AMPH: variants seen among roughly 807,000 people sequenced by gnomAD.
AMPH encodes amphiphysin.
In AMPH, 49 loss-of-function variants were observed where a neutral mutation model predicts 99.1. That is an observed-to-expected ratio of 0.49 (90% CI 0.39 to 0.63). The LOEUF is 0.63. AMPH is among the 20% of genes least tolerant of loss of function. AMPH has a pLI of 0.00. For synonymous variants in AMPH, 314 were observed against 317.3 expected (o/e 0.99, Z 0.11); for missense variants, 759 against 863.4 (o/e 0.88, Z 1.52).
In AMPH at chr7:38,417,891, G is replaced by A. The variant is rs200519832; in HGVS notation, c.1332C>T (p.Val444=). Residue 444 remains valine (V), a synonymous_variant, in exon 17 of 21, where the codon GTC becomes GTT. Coordinates refer to ENST00000356264, the MANE Select transcript of AMPH (RefSeq NM_001635.4). The part of the protein sequence containing the change: ...EPKAEEPLAA[V]TPAVGLDLGM... Reference sequence around the variant, plus strand: ...CAAGGTCCAGACCAACGGCAGGTGTGACAGCAGCCAGAGGCTCCTCTGCTT... The same window carrying A: ...CAAGGTCCAGACCAACGGCAGGTGTAACAGCAGCCAGAGGCTCCTCTGCTT... The A allele has an allele frequency of 4.3e-6, 7 of 1,614,168 alleles. No homozygotes were observed. The South Asian group carries it at 7.7e-5, about 18-fold the overall frequency.
intron 1 of AMPH, among the ~76,000 whole-genome samples, chr7:38,620,577 AC>A (rs1794025181): frequency 6.6e-6 from 1 of 151,444 alleles, no homozygotes; most frequent in Non-Finnish European, 1.5e-5. Context: ...ACACACACAC[AC>A]ACACACACAC....
At chr7:38,543,735 C>G (rs1790895320) in intron 1 of AMPH, among the ~76,000 whole-genome samples, 1 of 152,074 alleles carries the variant, frequency 6.6e-6, no homozygotes, top group Non-Finnish European at 1.5e-5. Flanking sequence ...TTCAGCTACC[C>G]TTCTGATTTA....
Position 38,487,158 on chromosome 7 carries a change from G to A in AMPH, c.396+3892C>T, listed in dbSNP as rs562984164. Among the ~76,000 whole-genome samples, 12 of 152,090 alleles carry A rather than the reference G, an allele frequency of 7.9e-5. 1 individual carries two copies. Among genetic ancestry groups the A allele is most frequent in the African/African-American group, 2.6e-4 (11 of 41,530 alleles). ...CTATGAGGTTCTACATGGAAAACCC[G>A]AAAGGCTCTACAAAAAAACTGCCAG... is the stretch of plus-strand genomic sequence containing the variant. On this transcript the variant is annotated intron_variant, in intron 5 of 20. Transcript: ENST00000356264.
intron 1 of AMPH, among the ~76,000 whole-genome samples, chr7:38,571,166 T>C (rs1205772530): frequency 2.1e-5 from 2 of 95,488 alleles, no homozygotes; most frequent in African/African-American, 8.7e-5. Context: ...TATATATTTT[T>C]ATATATTTTT....
At chr7:38,406,987 T>G (rs905738105) in intron 17 of AMPH, among the ~76,000 whole-genome samples, 12 of 137,194 alleles carry the variant, frequency 8.7e-5, no homozygotes, top group Non-Finnish European at 1.4e-4. Flanking sequence ...GACTTTGCCT[T>G]GTAATTGCAT....
chr7:38,389,827 G>A lies in AMPH; in HGVS notation c.1957C>T (p.Pro653Ser). 1.2e-6 allele frequency: 2 copies of A among 1,613,678 alleles called. No individual in the cohort carries two copies. The highest frequency in any genetic ancestry group is 1.7e-6 in the Non-Finnish European group (2 of 1,179,874). The change falls in exon 20 of 21, where the codon CCC becomes TCC. Residue 653 changes from proline to serine, a missense_variant. By Grantham distance (74) the Pro-to-Ser change is moderately conservative. Coordinates refer to ENST00000356264, the MANE Select transcript of AMPH (RefSeq NM_001635.4). ...ACCTGATCAGCTTCTGAATCTGAGG[G>A]GACCACCAGCACCACATCACCCCTT... ...LQRGDVVLVV[P>S]SDSEADQDAG...
At chr7:38,395,692 C>A (rs1394352676) in intron 17 of AMPH, among the ~76,000 whole-genome samples, 1 of 152,114 alleles carries the variant, frequency 6.6e-6, no homozygotes, top group African/African-American at 2.4e-5. Context: ...ACTATTTTTT[C>A]TTTGTTGAAT....
intron 17 of AMPH, among the ~76,000 whole-genome samples, chr7:38,396,417 G>A (rs2128977186): frequency 6.6e-6 from 1 of 152,282 alleles, no homozygotes; most frequent in East Asian, 1.9e-4. Context: ...ATGATTGTGA[G>A]GCCTCCCCAG....
intron 1 of AMPH, among the ~76,000 whole-genome samples, chr7:38,574,026 T>G (rs569665391): frequency 6.6e-6 from 1 of 152,322 alleles, no homozygotes; most frequent in South Asian, 2.1e-4. Flanking sequence ...TAGATTTCAG[T>G]GCTCAAACAC....
chr7:38,391,296 C>T (rs1216431655), intron 19 of AMPH, among the ~76,000 whole-genome samples: 2 of 152,188 alleles, frequency 1.3e-5, no homozygotes, highest in East Asian at 1.9e-4. Flanking sequence ...TACATGAATC[C>T]ATTAATTTAC....
intron 2 of AMPH, among the ~76,000 whole-genome samples, chr7:38,523,122 A>G (rs1431812293): frequency 5.7e-4 from 82 of 143,828 alleles, no homozygotes; most frequent in Middle Eastern, 7.4e-3. Flanking sequence ...AAAAAAAAAA[A>G]GAAGGTGGGG....
At chr7:38,393,899 C>A in intron 18 of AMPH, 106 bp downstream of exon 18, 1 of 1,069,076 alleles carries the variant, frequency 9.4e-7, no homozygotes, top group Non-Finnish European at 1.4e-6. Flanking sequence ...AAAATTGCTA[C>A]AAACCTATTA....
chr7:38,596,128 A>AATCTCC (rs1793049872), intron 1 of AMPH, among the ~76,000 whole-genome samples: 1 of 152,196 alleles, frequency 6.6e-6, no homozygotes, highest in Admixed American at 6.5e-5. Flanking sequence ...TTCTTTGAGA[A>AATCTCC]ATCTCCAAAC....
intron 11 of AMPH, among the ~76,000 whole-genome samples, chr7:38,437,669 T>C: frequency 6.8e-6 from 1 of 146,162 alleles, no homozygotes; most frequent in South Asian, 2.2e-4. Flanking sequence ...TTGGGCATGG[T>C]GGTGCATGAC....
chr7:38,436,237 G>T, intron 12 of AMPH, 35 bp downstream of exon 12: 1 of 1,495,948 alleles, frequency 6.7e-7, no homozygotes, highest in Non-Finnish European at 9.3e-7. Flanking sequence ...TGAGGTTTAT[G>T]AAATATCTCC....
At chr7:38,499,549 T>C (rs1789055765) in intron 3 of AMPH, among the ~76,000 whole-genome samples, 1 of 152,138 alleles carries the variant, frequency 6.6e-6, no homozygotes, top group Non-Finnish European at 1.5e-5. Context: ...TTCCCACAAT[T>C]GCCCCAGGAC....
chr7:38,411,870 G>C (rs1409389950), intron 17 of AMPH, among the ~76,000 whole-genome samples: 1 of 152,148 alleles, frequency 6.6e-6, no homozygotes, highest in South Asian at 2.1e-4. Flanking sequence ...ATATTCAGAA[G>C]ACAGAATAAG....
At chr7:38,629,144 C>A (rs1217642069) in intron 1 of AMPH, among the ~76,000 whole-genome samples, 1 of 152,138 alleles carries the variant, frequency 6.6e-6, no homozygotes, top group Non-Finnish European at 1.5e-5. Context: ...TCTAATGGAG[C>A]CTCTGACAGT....
chr7:38,492,860 G>T (rs1347830884), intron 4 of AMPH, among the ~76,000 whole-genome samples: 7 of 152,102 alleles, frequency 4.6e-5, no homozygotes, highest in Admixed American at 2.0e-4. Flanking sequence ...TTATTTTTTT[G>T]TGATGAATTT....
Sources: gnomAD v4.1 joint callset for allele counts (sites outside exome capture counted in the v4.1 genomes callset) on GRCh38, gnomAD v4.1.1 for gene constraint, MANE v1.5 for transcripts, NCBI Gene and HGNC (gene_info 2026-07-23, HGNC 2026-07-21) for gene names.